DLGAP1: variants seen among roughly 807,000 people sequenced by gnomAD.
DLGAP1 encodes disks large-associated protein 1.
DLGAP1 carries 11 observed loss-of-function variants against 90.8 expected under a neutral mutation model. The observed-to-expected ratio is 0.12, with a 90% CI of 0.08 to 0.20. The LOEUF (loss-of-function observed/expected upper bound fraction) is 0.20. Among genes scored for constraint, DLGAP1 ranks in the 10% least tolerant of loss-of-function variants. The probability of loss-of-function intolerance (pLI) is 1.00; values close to 1 mark genes in which losing one functional copy is unlikely to be tolerated. For missense variants in DLGAP1, 1,050 were observed against 1,333.8 expected, an observed-to-expected ratio of 0.79 and a Z score of 3.31; for synonymous variants, 558 against 540.7, an observed-to-expected ratio of 1.03 and a Z score of -0.44.
At chr18:3,834,659 G>C (rs1156457099) in intron 4 of DLGAP1, among the ~76,000 whole-genome samples, 4 of 152,174 alleles carry the variant, frequency 2.6e-5, no homozygotes, top group Admixed American at 6.5e-5. Flanking sequence ...GAAAATAGCA[G>C]AAGGCGAATG....
chr18:4,085,453 CTT>C lies in DLGAP1; in HGVS notation c.-159+65725_-159+65726del, dbSNP rs577736189. On this transcript the variant is annotated intron_variant, in intron 2 of 12. Transcript: ENST00000315677. ...TTACCTAGGAAGCCTTTATTCCCTT[CTT>C]ACCACAGGAGAAACTTTCTTTACAT... Among the ~76,000 whole-genome samples, 472 of 152,298 alleles carry C rather than the reference CTT, an allele frequency of 3.1e-3. 6 individuals are homozygous for C. Among genetic ancestry groups the C allele is most frequent in the African/African-American group, 0.011 (456 of 41,560 alleles).
At chr18:4,057,556 C>T (rs561296782) in intron 2 of DLGAP1, among the ~76,000 whole-genome samples, 4 of 152,336 alleles carry the variant, frequency 2.6e-5, no homozygotes, top group South Asian at 2.1e-4. Context: ...AAACCATGCA[C>T]GTGAATCTCT....
chr18:4,453,419 G>C (rs1457937457), intron 1 of DLGAP1, among the ~76,000 whole-genome samples: 2 of 152,044 alleles, frequency 1.3e-5, no homozygotes, highest in Non-Finnish European at 2.9e-5. Context: ...TTGCCTCCAT[G>C]TCATTTCCGT....
intron 5 of DLGAP1, among the ~76,000 whole-genome samples, chr18:3,784,087 G>C (rs531793281): frequency 1.3e-5 from 2 of 152,274 alleles, no homozygotes; most frequent in African/African-American, 4.8e-5. Flanking sequence ...GAGGTCTTTT[G>C]TCTACAATGG....
At chr18:4,043,056 T>C (rs1179067140) in intron 2 of DLGAP1, among the ~76,000 whole-genome samples, 1 of 152,240 alleles carries the variant, frequency 6.6e-6, no homozygotes, top group Non-Finnish European at 1.5e-5. Context: ...TCCTCAGACG[T>C]AATTTAGGTT....
intron 1 of DLGAP1, among the ~76,000 whole-genome samples, chr18:4,393,232 C>T (rs538533100): frequency 2.0e-5 from 3 of 152,224 alleles, no homozygotes; most frequent in South Asian, 4.2e-4. Context: ...ATCTCCTTAC[C>T]GCAGCCTATG....
chr18:4,180,172 T>C (rs781453687), intron 1 of DLGAP1, among the ~76,000 whole-genome samples: 7 of 152,172 alleles, frequency 4.6e-5, no homozygotes, highest in Non-Finnish European at 8.8e-5. Context: ...CCCTTTGTAG[T>C]TGAAAGGGCT....
At chr18:3,833,152 T>C (rs1309748146) in intron 4 of DLGAP1, among the ~76,000 whole-genome samples, 4 of 990 alleles carry the variant, frequency 4.0e-3, no homozygotes, top group Non-Finnish European at 9.6e-3. Context: ...CTTCCTTCCT[T>C]CCTTCCTTCC....
At chr18:3,592,053 T>G (rs1469495664) in intron 7 of DLGAP1, among the ~76,000 whole-genome samples, 1 of 152,062 alleles carries the variant, frequency 6.6e-6, no homozygotes, top group Non-Finnish European at 1.5e-5. Flanking sequence ...AATTGGATGG[T>G]TATGATAATG....
intron 1 of DLGAP1, among the ~76,000 whole-genome samples, chr18:4,245,777 A>G (rs1359155346): frequency 6.6e-6 from 1 of 152,212 alleles, no homozygotes; most frequent in Non-Finnish European, 1.5e-5. Context: ...GGGAGCATTT[A>G]TATCAATGAA....
intron 1 of DLGAP1, among the ~76,000 whole-genome samples, chr18:4,238,236 T>C (rs1475947586): frequency 6.6e-6 from 1 of 152,190 alleles, no homozygotes; most frequent in Non-Finnish European, 1.5e-5. Flanking sequence ...AATGAGATGG[T>C]ATCTGTAAAC....
chr18:4,188,643 A>C (rs1598580663), intron 1 of DLGAP1, among the ~76,000 whole-genome samples: 1 of 151,938 alleles, frequency 6.6e-6, no homozygotes, highest in Non-Finnish European at 1.5e-5. Flanking sequence ...AAGGACACGA[A>C]CTCATTCTTT....
At chr18:3,910,487 C>T (rs2148894820) in intron 3 of DLGAP1, among the ~76,000 whole-genome samples, 1 of 152,282 alleles carries the variant, frequency 6.6e-6, no homozygotes, top group South Asian at 2.1e-4. Context: ...AAGCCTGCTG[C>T]TTCCTATAGG....
intron 2 of DLGAP1, among the ~76,000 whole-genome samples, chr18:4,060,820 A>C (rs185003654): frequency 1.4e-3 from 209 of 152,322 alleles, no homozygotes; most frequent in Middle Eastern, 0.01. Flanking sequence ...TTTGAAAAAG[A>C]AAGATGTTTT....
rs529428242 is a variant in DLGAP1 at position 4,244,230 on chromosome 18, C to T, written c.-266-92943G>A. Among the ~76,000 whole-genome samples the T allele has an allele frequency of 1.4e-4, 22 of 152,212 alleles. 1 individual carries two copies. In the South Asian group the frequency reaches 4.6e-3, roughly 32 times the overall value. On this transcript the variant is annotated intron_variant, in intron 1 of 12. Coordinates refer to ENST00000315677, the MANE Select transcript of DLGAP1 (RefSeq NM_004746.4). ...GGTCACCTTCCCCCTTCAAGTCCTA[C>T]GTAGGAGGGGAAGATGCTTAAGACA...
chr18:4,090,881 G>C (rs1196126784), intron 2 of DLGAP1, among the ~76,000 whole-genome samples: 1 of 152,170 alleles, frequency 6.6e-6, no homozygotes, highest in Non-Finnish European at 1.5e-5. Flanking sequence ...AGAAAATGTG[G>C]TACATATACA....
chr18:3,789,080 AACAGATGGATATTATG>A (rs1338588348), intron 5 of DLGAP1, among the ~76,000 whole-genome samples: 1 of 152,236 alleles, frequency 6.6e-6, no homozygotes. Context: ...TCACAGAAGA[AACAGATGGATATTATG>A]GTGCTAGTCC....
At chr18:3,953,823 T>C (rs77851786) in intron 3 of DLGAP1, among the ~76,000 whole-genome samples, 1,801 of 152,332 alleles carry the variant, frequency 0.012, 41 homozygotes, top group African/African-American at 0.042. Context: ...AGGATGATGG[T>C]ATGGCATCTG....
intron 5 of DLGAP1, among the ~76,000 whole-genome samples, chr18:3,802,283 C>T (rs553964147): frequency 4.6e-5 from 7 of 152,324 alleles, no homozygotes; most frequent in East Asian, 1.9e-4. Flanking sequence ...GACCCCGCCA[C>T]GCAGGCCATC....
Sources: gnomAD v4.1 joint callset for allele counts (sites outside exome capture counted in the v4.1 genomes callset) on GRCh38, gnomAD v4.1.1 for gene constraint, MANE v1.5 for transcripts, NCBI Gene and HGNC (gene_info 2026-07-23, HGNC 2026-07-21) for gene names.